TMEM117: variants seen among roughly 807,000 people sequenced by gnomAD.
TMEM117 encodes the protein transmembrane protein 117.
A neutral mutation model predicts 52.4 loss-of-function variants in TMEM117; 27 were observed. The ratio of observed to expected loss-of-function variants is 0.51; its 90% CI spans 0.38 to 0.71. TMEM117 has a LOEUF of 0.71. TMEM117 is among the 30% of genes least tolerant of loss of function. The pLI is 0.00. For synonymous variants in TMEM117, 215 were observed against 206.3 expected (o/e 1.04, Z -0.36); for missense variants, 556 against 630.5 (o/e 0.88, Z 1.26).
chr12:44,005,821 T>G (rs1474164713), intron 3 of TMEM117, among the ~76,000 whole-genome samples: 1 of 152,162 alleles, frequency 6.6e-6, no homozygotes, highest in African/African-American at 2.4e-5. Context: ...ATTCTTGTGA[T>G]AGTGAATAAA....
chr12:43,997,868 A>C (rs1946056842), intron 3 of TMEM117, among the ~76,000 whole-genome samples: 1 of 152,198 alleles, frequency 6.6e-6, no homozygotes. Flanking sequence ...ACCTTTCCCA[A>C]GATCACATAC....
At chr12:44,207,834 T>C (rs1702767931) in intron 4 of TMEM117, among the ~76,000 whole-genome samples, 1 of 152,038 alleles carries the variant, frequency 6.6e-6, no homozygotes, top group South Asian at 2.1e-4. Flanking sequence ...GAAATATATT[T>C]AGGGTTAGAA....
At chr12:43,984,774 G>GTT (rs930168909) in intron 3 of TMEM117, among the ~76,000 whole-genome samples, 4 of 150,790 alleles carry the variant, frequency 2.7e-5, no homozygotes, top group African/African-American at 9.7e-5. Flanking sequence ...TTTGTAATCT[G>GTT]TTTTTTTTTG....
At chr12:44,104,660 G>A (rs373641977) in intron 3 of TMEM117, among the ~76,000 whole-genome samples, 3 of 152,034 alleles carry the variant, frequency 2.0e-5, no homozygotes, top group African/African-American at 7.2e-5. Flanking sequence ...TTGCAAGGCA[G>A]GTCTACTGGC....
intron 2 of TMEM117, among the ~76,000 whole-genome samples, chr12:43,845,488 A>C (rs1376331609): frequency 7.4e-5 from 11 of 148,490 alleles, no homozygotes; most frequent in Non-Finnish European, 1.6e-4. Context: ...AAAAAAGAGC[A>C]TTAGAGATAA....
At chr12:44,142,394 G>C (rs566481164) in intron 3 of TMEM117, among the ~76,000 whole-genome samples, 1 of 152,142 alleles carries the variant, frequency 6.6e-6, no homozygotes, top group South Asian at 2.1e-4. Flanking sequence ...TTTTAAGTTT[G>C]CTTTTTTTGT....
chr12:43,990,446 CT>C (rs1357538776), intron 3 of TMEM117, among the ~76,000 whole-genome samples: 3 of 152,088 alleles, frequency 2.0e-5, no homozygotes, highest in Non-Finnish European at 1.5e-5. Context: ...GCACTACTGG[CT>C]TTTAATCTAA....
chr12:43,882,460 CAAAAAAA>C (rs57833998), intron 2 of TMEM117, among the ~76,000 whole-genome samples: 1 of 117,246 alleles, frequency 8.5e-6, no homozygotes, highest in African/African-American at 3.5e-5. Context: ...AACTTCATCT[CAAAAAAA>C]AAAAAAAAAA....
intron 3 of TMEM117, among the ~76,000 whole-genome samples, chr12:44,134,213 T>A (rs1250967998): frequency 6.6e-6 from 1 of 151,926 alleles, no homozygotes; most frequent in African/African-American, 2.4e-5. Context: ...TCTTTTGGGG[T>A]TTTTGTTTTT....
chr12:44,165,136 A>G (rs1948948666), intron 4 of TMEM117, among the ~76,000 whole-genome samples: 1 of 152,122 alleles, frequency 6.6e-6, no homozygotes, highest in South Asian at 2.1e-4. Flanking sequence ...CTCTACCTTC[A>G]TGAGATCAAC....
intron 3 of TMEM117, among the ~76,000 whole-genome samples, chr12:44,101,985 T>C (rs908969425): frequency 6.6e-6 from 1 of 152,212 alleles, no homozygotes; most frequent in South Asian, 2.1e-4. Flanking sequence ...TACACATTTA[T>C]GTAGTTCTTG....
chr12:43,816,026 T>C, the TMEM117 span, among the ~76,000 whole-genome samples: 1 of 152,232 alleles, frequency 6.6e-6, no homozygotes, highest in Non-Finnish European at 1.5e-5. Flanking sequence ...TTGAGTAGGC[T>C]TTCTATTATC....
intron 3 of TMEM117, among the ~76,000 whole-genome samples, chr12:44,121,367 G>A (rs773120318): frequency 3.1e-4 from 47 of 152,108 alleles, no homozygotes; most frequent in Non-Finnish European, 6.3e-4. Context: ...ATCCTCTTAT[G>A]CAAACTTTAT....
At chr12:44,285,046 T>C (rs1412082802) in intron 5 of TMEM117, among the ~76,000 whole-genome samples, 1 of 152,210 alleles carries the variant, frequency 6.6e-6, no homozygotes, top group Non-Finnish European at 1.5e-5. Context: ...CCAACATAGT[T>C]GCAGTGGCTG....
At chr12:44,320,537 C>G (rs1031343825) in intron 6 of TMEM117, among the ~76,000 whole-genome samples, 2 of 152,160 alleles carry the variant, frequency 1.3e-5, no homozygotes, top group African/African-American at 4.8e-5. Flanking sequence ...CCTCTCCTAC[C>G]CCCACCTCTT....
upstream of TMEM117, among the ~76,000 whole-genome samples, chr12:43,831,896 T>G (rs1011331673): frequency 6.6e-6 from 1 of 152,178 alleles, no homozygotes; most frequent in Non-Finnish European, 1.5e-5. Flanking sequence ...AGGAATGATA[T>G]GTAAACAACA....
chr12:44,032,218 C>T (rs1337200177), intron 3 of TMEM117, among the ~76,000 whole-genome samples: 2 of 152,174 alleles, frequency 1.3e-5, no homozygotes, highest in Non-Finnish European at 2.9e-5. Flanking sequence ...TGCTACACTT[C>T]ATACAAATAA....
At chr12:44,057,313 T>C (rs903339514) in intron 3 of TMEM117, among the ~76,000 whole-genome samples, 2 of 152,272 alleles carry the variant, frequency 1.3e-5, no homozygotes, top group South Asian at 2.1e-4. Context: ...ATGATTAAGA[T>C]AGCAGCCCTG....
intron 5 of TMEM117, among the ~76,000 whole-genome samples, chr12:44,225,722 T>C (rs1237019514): frequency 6.6e-6 from 1 of 152,208 alleles, no homozygotes; most frequent in Non-Finnish European, 1.5e-5. Context: ...CTTAGCATCA[T>C]TGCTTCTTAT....
Sources: allele counts gnomAD v4.1 joint callset (sites outside exome capture counted in the v4.1 genomes callset), GRCh38; gene constraint gnomAD v4.1.1; transcripts MANE v1.5; gene names NCBI Gene and HGNC (gene_info 2026-07-23, HGNC 2026-07-21).